The following SLC2A9 variants were observed in gnomAD, a reference collection of about 807,000 sequenced individuals.
The protein encoded by SLC2A9 is solute carrier family 2, facilitated glucose transporter member 9.
A neutral mutation model predicts 50.6 loss-of-function variants in SLC2A9; 39 were observed. That is an observed-to-expected ratio of 0.77 (90% CI 0.60 to 1.01). The LOEUF (loss-of-function observed/expected upper bound fraction) is 1.01. SLC2A9 is among the 50% of genes least tolerant of loss of function. The pLI, the probability that SLC2A9 is intolerant of heterozygous loss-of-function variation, is 0.00. For synonymous variants in SLC2A9, 324 were observed against 276.9 expected, an observed-to-expected ratio of 1.17 and a Z score of -1.69; for missense variants, 686 against 677.6, an observed-to-expected ratio of 1.01 and a Z score of -0.14.
intron 1 of SLC2A9, among the ~76,000 whole-genome samples, chr4:10,033,760 C>T (rs1764009205): frequency 6.6e-6 from 1 of 152,182 alleles, no homozygotes; most frequent in Admixed American, 6.5e-5. Flanking sequence ...GGGCTGGGGA[C>T]GCTGAGGTGG....
At chr4:9,815,326 C>T (rs1723430076) in intron 3 of SLC2A9, among the ~76,000 whole-genome samples, 1 of 152,346 alleles carries the variant, frequency 6.6e-6, no homozygotes, top group South Asian at 2.1e-4. Context: ...GGGCTGACTT[C>T]ACATATTCTC....
rs1377868719 is a variant in SLC2A9, at chr4:9,970,348, G to A, written c.681+10244C>T. 2.6e-5 allele frequency among the ~76,000 whole-genome samples: 4 copies of A among 152,326 alleles called. No individual in the cohort carries two copies. The East Asian group carries it at 7.7e-4, about 29-fold the overall frequency. On this transcript the variant is annotated intron_variant, in intron 5 of 11. Coordinates refer to ENST00000264784, the MANE Select transcript of SLC2A9 (RefSeq NM_020041.3). ...CTCGGGTGGCAGTCACAGGTTGAGA[G>A]AAGGTCTCAACTGTGATTCACGACA...
intron 1 of SLC2A9, among the ~76,000 whole-genome samples, chr4:9,771,974 G>T (rs1716882720): frequency 6.6e-6 from 1 of 152,204 alleles, no homozygotes; most frequent in Non-Finnish European, 1.5e-5. Context: ...AAGAGATGAG[G>T]CTGGACAAGC....
At chr4:10,017,017 G>A (rs910886776) in intron 2 of SLC2A9, among the ~76,000 whole-genome samples, 1 of 152,138 alleles carries the variant, frequency 6.6e-6, no homozygotes, top group African/African-American at 2.4e-5. Flanking sequence ...GCACAGCCAG[G>A]CCTCTGTGTG....
intron 3 of SLC2A9, among the ~76,000 whole-genome samples, chr4:9,800,521 T>A (rs1057082011): frequency 6.6e-6 from 1 of 152,206 alleles, no homozygotes; most frequent in Admixed American, 6.5e-5. Flanking sequence ...TCAACCCTGA[T>A]GACACCTTGG....
intron 5 of SLC2A9, among the ~76,000 whole-genome samples, chr4:9,943,130 T>A (rs1748500140): frequency 6.6e-6 from 1 of 152,054 alleles, no homozygotes; most frequent in Non-Finnish European, 1.5e-5. Context: ...TCTGCTGCTC[T>A]CCCAAGACTC....
intron 10 of SLC2A9, among the ~76,000 whole-genome samples, chr4:9,860,459 G>A (rs1348247962): frequency 1.3e-5 from 2 of 152,232 alleles, no homozygotes; most frequent in African/African-American, 2.4e-5. Flanking sequence ...ATGAACAGGA[G>A]TATTTAGAAA....
intron 5 of SLC2A9, among the ~76,000 whole-genome samples, chr4:9,942,649 T>A (rs1748385778): frequency 6.6e-6 from 1 of 152,058 alleles, no homozygotes; most frequent in African/African-American, 2.4e-5. Context: ...GGCAAACAGA[T>A]CCCTACGACA....
At chr4:9,817,638 T>C (rs1226042473) in intron 3 of SLC2A9, among the ~76,000 whole-genome samples, 1 of 152,238 alleles carries the variant, frequency 6.6e-6, no homozygotes, top group Non-Finnish European at 1.5e-5. Context: ...TTTTTGTTCA[T>C]GTAATGTCCA....
chr4:9,873,452 G>A (rs542422181), intron 10 of SLC2A9, among the ~76,000 whole-genome samples: 1 of 152,308 alleles, frequency 6.6e-6, no homozygotes, highest in East Asian at 1.9e-4. Flanking sequence ...GAATCTGGGC[G>A]GGCTTTGTGA....
rs148088474 is a variant in SLC2A9 at position 9,805,055 on chromosome 4, C to T, written n.421-5814G>A. ...GCCTGAAGTAGAGTTGCCCTGGCCTCGCCCTCTGCCGGCCTGCAGATCTCC... is the reference window on the plus strand; with the variant it reads ...GCCTGAAGTAGAGTTGCCCTGGCCTTGCCCTCTGCCGGCCTGCAGATCTCC... On this transcript the variant is annotated intron_variant and non_coding_transcript_variant, in intron 3 of 3. Transcript: ENST00000503280. Among the ~76,000 whole-genome samples, 430 of 152,314 alleles carry T rather than the reference C, an allele frequency of 2.8e-3. 5 individuals carry two copies. The highest frequency in any genetic ancestry group is 9.7e-3 in the African/African-American group (405 of 41,570).
chr4:9,963,711 GA>G (rs1752641902), intron 5 of SLC2A9, among the ~76,000 whole-genome samples: 1 of 152,220 alleles, frequency 6.6e-6, no homozygotes, highest in Non-Finnish European at 1.5e-5. Context: ...TTGGGAGGAA[GA>G]AACAGCAAAG....
rs78511292 is a variant in SLC2A9 at position 10,011,697 on chromosome 4, G to T, written c.249+7278C>A. On this transcript the variant is annotated intron_variant, in intron 2 of 11. Transcript: ENST00000264784. ...AGACAGGTAAGTAAGTAGATGGATA[G>T]ACAGAAAGATACAACTATGCCAATT... Among the ~76,000 whole-genome samples, 663 of 152,338 alleles carry T rather than the reference G, an allele frequency of 4.4e-3. 9 individuals are homozygous for T. Among genetic ancestry groups the T allele is most frequent in the African/African-American group, 0.015 (625 of 41,576 alleles).
chr4:9,813,079 T>C (rs554956772), intron 3 of SLC2A9, among the ~76,000 whole-genome samples: 10 of 152,334 alleles, frequency 6.6e-5, no homozygotes, highest in Admixed American at 2.0e-4. Context: ...CTGATTATAA[T>C]GATCTGAACT....
chr4:10,037,479 G>T (rs1300191297), intron 1 of SLC2A9, among the ~76,000 whole-genome samples: 1 of 152,054 alleles, frequency 6.6e-6, no homozygotes, highest in Admixed American at 6.5e-5. Context: ...TTCCTCAGTT[G>T]CTCCTCCCAG....
At chr4:9,863,721 G>T (rs1240574061) in intron 10 of SLC2A9, among the ~76,000 whole-genome samples, 1 of 152,066 alleles carries the variant, frequency 6.6e-6, no homozygotes, top group Non-Finnish European at 1.5e-5. Context: ...TTGCTCGCTA[G>T]ACCTGATGAA....
chr4:9,830,156 A>G (rs1725829983), intron 11 of SLC2A9, among the ~76,000 whole-genome samples: 1 of 152,278 alleles, frequency 6.6e-6, no homozygotes, highest in Non-Finnish European at 1.5e-5. Context: ...AATGTGGCAC[A>G]TATACACCAT....
chr4:9,951,204 G>C (rs888233925), intron 5 of SLC2A9, among the ~76,000 whole-genome samples: 2 of 152,138 alleles, frequency 1.3e-5, no homozygotes, highest in African/African-American at 4.8e-5. Flanking sequence ...GATGGAATTG[G>C]GGGGCATTAA....
At chr4:9,917,185 C>T (rs547270516) in intron 7 of SLC2A9, among the ~76,000 whole-genome samples, 1 of 151,512 alleles carries the variant, frequency 6.6e-6, no homozygotes, top group Non-Finnish European at 1.5e-5. Flanking sequence ...TCACTTTAAG[C>T]GACAGGTCTA....
Sources: gnomAD v4.1 joint callset for allele counts (sites outside exome capture counted in the v4.1 genomes callset) on GRCh38, gnomAD v4.1.1 for gene constraint, MANE v1.5 for transcripts, NCBI Gene and HGNC (gene_info 2026-07-23, HGNC 2026-07-21) for gene names.